Variants in KIF18B observed in about 807,000 individuals in gnomAD.
The protein encoded by KIF18B is kinesin-like protein KIF18B.
Under a neutral mutation model 80.9 loss-of-function variants are expected in KIF18B, and 49 were observed. The ratio of observed to expected loss-of-function variants is 0.61; its 90% confidence interval spans 0.48 to 0.77. The LOEUF (loss-of-function observed/expected upper bound fraction) is 0.77. Ranked by LOEUF, KIF18B falls within the 30% of genes least tolerant of loss-of-function variation. The pLI, the probability that KIF18B is intolerant of heterozygous loss-of-function variation, is 0.00. For synonymous variants in KIF18B, 439 were observed against 463.9 expected (o/e 0.95, Z 0.69); for missense variants, 994 against 1,127.7 (o/e 0.88, Z 1.70).
chr17:44,935,957 G>T, intron 2 of KIF18B, 75 bp downstream of exon 2: 1 of 1,389,936 alleles, frequency 7.2e-7, no homozygotes, highest in Non-Finnish European at 1.0e-6. Context: ...GCACATGCCA[G>T]AAGACACATG....
Position 44,925,997 on chromosome 17 carries a change from G to T in KIF18B, c.*83C>A. 6.9e-7 allele frequency: 1 copy of T among 1,450,462 alleles called. No individual in the cohort carries two copies. The highest frequency in any genetic ancestry group is 9.6e-7 in the Non-Finnish European group (1 of 1,037,386). The allele number at this position is 1,450,462 out of a possible 1,614,324, so 89.8% of individuals were successfully genotyped here. ...AAGGAAGGCAGGTCCAGCTCCTGGT[G>T]CAGGTGGCTACAGGTCCAAGAGGGG... On this transcript the variant is annotated 3_prime_UTR_variant, in exon 16 of 16. Coordinates refer to ENST00000593135, the MANE Select transcript of KIF18B (RefSeq NM_001265577.2).
intron 1 of KIF18B, among the ~76,000 whole-genome samples, chr17:44,939,221 A>G (rs977438969): frequency 6.6e-6 from 1 of 151,392 alleles, no homozygotes; most frequent in Non-Finnish European, 1.5e-5. Flanking sequence ...AAATACAAAA[A>G]TTAGTCGGGC....
chr17:44,945,463 A>G (rs367985762), intron 1 of KIF18B, among the ~76,000 whole-genome samples: 3 of 152,254 alleles, frequency 2.0e-5, no homozygotes, highest in African/African-American at 7.2e-5. Context: ...ATGTTCTAAT[A>G]TAAGCATTTA....
In KIF18B at chr17:44,932,678, T is replaced by C; in HGVS notation, c.1233A>G (p.Pro411=). ...LPGSPKSGPP[P]EHQPCTPELP... ...GAATGGGCAGTGGAACTCACTGTTC[T>C]GGTGGTGGTCCCGACTTGGGAGATC... The change falls in exon 9 of 16, where the codon CCA becomes CCG. Residue 411 remains proline, a synonymous_variant. Coordinates refer to ENST00000593135, the MANE Select transcript of KIF18B (RefSeq NM_001265577.2). 1 of 1,606,084 alleles carries C rather than the reference T, an allele frequency of 6.2e-7. No individual in the cohort carries two copies. Among genetic ancestry groups the C allele is most frequent in the Non-Finnish European group, 8.5e-7 (1 of 1,174,476 alleles).
chr17:44,926,947 C>T (rs1269993864), intron 14 of KIF18B, 42 bp downstream of exon 14: 30 of 1,533,030 alleles, frequency 2.0e-5, no homozygotes, highest in African/African-American at 2.7e-5. Flanking sequence ...CTGGTGAGAG[C>T]GAGCTCCTTC....
Position 44,927,165 on chromosome 17 carries a change from G to T in KIF18B, c.2277-87C>A. 1 of 974,548 alleles carries T rather than the reference G, an allele frequency of 1.0e-6. No individual in the cohort carries two copies. Among genetic ancestry groups the T allele is most frequent in the Non-Finnish European group, 1.5e-6 (1 of 654,074 alleles). The allele number at this position is 974,548 out of a possible 1,614,324, so 60.4% of individuals were successfully genotyped here. The stretch of plus-strand genomic sequence containing the variant: ...TTCCTCCCTCCAGCCCCCAGCTCGG[G>T]CATGGGGGAGGGTGGTTGGACAAGA... On this transcript the variant is annotated intron_variant, in intron 13 of 15. Transcript: ENST00000593135. This position sits in a 1 kb window ranked among gnomAD's most constrained non-coding sequence, Gnocchi z 4.1.
chr17:44,933,323 C>T (rs2052200163), intron 7 of KIF18B, among the ~76,000 whole-genome samples: 1 of 152,038 alleles, frequency 6.6e-6, no homozygotes, highest in Non-Finnish European at 1.5e-5. Context: ...TGAAAATATG[C>T]TCCCACTGCT....
At chr17:44,935,487 A>C in intron 2 of KIF18B, 71 bp from the exon 3 acceptor site, 1 of 1,457,468 alleles carries the variant, frequency 6.9e-7, no homozygotes, top group Non-Finnish European at 9.2e-7. Context: ...CTCCTCCCTC[A>C]AGCCCCTTTC....
At chr17:44,932,650 C>T (rs144843305) in intron 9 of KIF18B, 23 bp downstream of exon 9, 85 of 1,379,860 alleles carry the variant, frequency 6.2e-5, no homozygotes, top group African/African-American at 2.8e-4. Flanking sequence ...AGGGTGGGGG[C>T]GGGAATGGGC....
At chr17:44,931,799 A>C in intron 10 of KIF18B, 70 bp from the exon 11 acceptor site, 2 of 1,570,060 alleles carry the variant, frequency 1.3e-6, no homozygotes, top group Non-Finnish European at 1.7e-6. Context: ...ACAGCTTCTA[A>C]AATCCTTCCC....
chr17:44,933,321 T>C (rs534750462), intron 7 of KIF18B, among the ~76,000 whole-genome samples: 15 of 152,202 alleles, frequency 9.9e-5, no homozygotes, highest in African/African-American at 3.6e-4. Context: ...GCTGAAAATA[T>C]GCTCCCACTG....
chr17:44,942,320 AGTGCTCTGCCAG>A (rs1196459371), intron 1 of KIF18B, among the ~76,000 whole-genome samples: 7 of 152,186 alleles, frequency 4.6e-5, no homozygotes. Context: ...CCCAGAGGCT[AGTGCTCTGCCAG>A]GCTGGGGCTG....
chr17:44,935,824 G>A (rs373380241), intron 2 of KIF18B, among the ~76,000 whole-genome samples: 1 of 152,196 alleles, frequency 6.6e-6, no homozygotes, highest in Admixed American at 6.5e-5. Context: ...ATTTGCTGTT[G>A]CAGTCCTGGG....
At position 44,927,510 on chromosome 17, in the gene KIF18B, T is replaced by C. The variant is rs1444476772; in HGVS notation, c.2277-432A>G. On this transcript the variant is annotated intron_variant, in intron 13 of 15. Coordinates refer to ENST00000593135, the MANE Select transcript of KIF18B (RefSeq NM_001265577.2). The surrounding 1 kb of genome is among the most constrained non-coding windows in gnomAD (Gnocchi z 4.1). ...TGCTGTTCCCCTCCTCTGCCATGTG[T>C]GTGGAAAGGGGGAGTGACAGCTTCG... Among the ~76,000 whole-genome samples the C allele has an allele frequency of 2.6e-5, 4 of 152,186 alleles. No homozygotes were observed. Among genetic ancestry groups the C allele is most frequent in the Non-Finnish European group, 5.9e-5 (4 of 68,032 alleles).
At chr17:44,937,774 A>C (rs1475854046) in intron 1 of KIF18B, among the ~76,000 whole-genome samples, 1 of 152,134 alleles carries the variant, frequency 6.6e-6, no homozygotes, top group East Asian at 1.9e-4. Context: ...GAATTTCTAA[A>C]ACAATGTTGA....
chr17:44,934,337 C>A lies in KIF18B; in HGVS notation c.781G>T (p.Ala261Ser), dbSNP rs529352561. Residue 261 changes from alanine (A) to serine (S), a missense_variant, in exon 6 of 16, where the codon GCA becomes TCA. Ala to Ser is a moderately conservative substitution (Grantham distance 99). Coordinates refer to ENST00000593135, the MANE Select transcript of KIF18B (RefSeq NM_001265577.2). The surrounding 1 kb of genome is among the most constrained non-coding windows in gnomAD (Gnocchi z 5.4). ...SLIDLAGSER[A>S]SSTHAKGERL... ...TCCCCCTTCGCATGGGTGCTGGATG[C>A]CCGCTCTGAGCCAGCCAGGTCAATC... The A allele has an allele frequency of 6.2e-7, 1 of 1,608,000 alleles. No individual in the cohort carries two copies. Among genetic ancestry groups the A allele is most frequent in the Non-Finnish European group, 8.5e-7 (1 of 1,177,190 alleles).
In KIF18B at chr17:44,928,062, T is replaced by C; in HGVS notation, c.2240A>G (p.Gln747Arg). 6.5e-7 allele frequency: 1 copy of C among 1,534,244 alleles called. No individual in the cohort carries two copies. The highest frequency in any genetic ancestry group is 8.8e-7 in the Non-Finnish European group (1 of 1,141,944). Residue 747 changes from glutamine (Q) to arginine (R), a missense_variant, in exon 13 of 16, where the codon CAG becomes CGG. Transcript: ENST00000593135. ...GGGCTGGTCCAGCCTGCTCAGCTCC[T>C]GGGGTATTTTGTCCCAGCCAATGCA... Reference protein sequence around the residue: ...HECIGWDKIPQELSRLDQPFI... With the variant: ...HECIGWDKIPRELSRLDQPFI...
intron 1 of KIF18B, among the ~76,000 whole-genome samples, chr17:44,940,259 G>C (rs68187323): frequency 0.31 from 47,498 of 152,078 alleles, 9,604 homozygotes; most frequent in African/African-American, 0.58. Context: ...CAAATAATGA[G>C]AGTTACTTTC....
chr17:44,930,518 T>C (rs1235878863), intron 11 of KIF18B, among the ~76,000 whole-genome samples: 4 of 152,194 alleles, frequency 2.6e-5, no homozygotes, highest in African/African-American at 9.7e-5. Flanking sequence ...AGATTCTAAA[T>C]TCTAAAATCA....
Sources: allele counts gnomAD v4.1 joint callset (sites outside exome capture counted in the v4.1 genomes callset), GRCh38; gene constraint gnomAD v4.1.1; non-coding constraint Gnocchi (gnomAD v3.1); transcripts MANE v1.5; gene names NCBI Gene and HGNC (gene_info 2026-07-23, HGNC 2026-07-21).